The following CCDC180 variants were observed in gnomAD, a reference collection of about 807,000 sequenced individuals.
CCDC180 encodes coiled-coil domain-containing protein 180.
A neutral mutation model predicts 209.2 loss-of-function variants in CCDC180; 154 were observed. That is an observed-to-expected ratio of 0.74 (90% CI 0.65 to 0.84). The LOEUF (loss-of-function observed/expected upper bound fraction) is 0.84. CCDC180 is among the 40% of genes least tolerant of loss of function. The pLI is 0.00. For synonymous variants in CCDC180, 778 were observed against 749.1 expected, an observed-to-expected ratio of 1.04 and a Z score of -0.63; for missense variants, 1,874 against 1,997.3, an observed-to-expected ratio of 0.94 and a Z score of 1.18.
Position 97,358,678 on chromosome 9 carries a change from G to A in CCDC180, c.3363+953G>A, listed in dbSNP as rs76913779. Reference sequence around the variant, plus strand: ...TTCCTGGATCTACGGGTTCAACTCCGGGCAAATGACTTAAACTTGCTCAAC... The same window carrying A: ...TTCCTGGATCTACGGGTTCAACTCCAGGCAAATGACTTAAACTTGCTCAAC... On this transcript the variant is annotated intron_variant, in intron 25 of 36. Transcript: ENST00000529487. Among the ~76,000 whole-genome samples, 92 of 152,146 alleles carry A rather than the reference G, an allele frequency of 6.0e-4. No homozygotes were observed. In the East Asian group the frequency reaches 0.016, roughly 26 times the overall value.
At chr9:97,324,364 G>A (rs1000527760) in intron 13 of CCDC180, among the ~76,000 whole-genome samples, 32 of 152,222 alleles carry the variant, frequency 2.1e-4, no homozygotes, top group Admixed American at 6.5e-4. Context: ...AAATGGCATG[G>A]CTGTGTTCCA....
At chr9:97,359,234 C>T (rs1826680261) in intron 25 of CCDC180, among the ~76,000 whole-genome samples, 1 of 152,202 alleles carries the variant, frequency 6.6e-6, no homozygotes, top group Non-Finnish European at 1.5e-5. Flanking sequence ...TAAGGCAGCT[C>T]TACCTCTCCA....
Position 97,364,087 on chromosome 9 carries a change from AAAGTACCGGGTGCTTG to A in CCDC180, c.3940_3955del (p.Lys1314GlyfsTer16). 6.2e-7 allele frequency: 1 copy of A among 1,614,080 alleles called. No homozygotes were observed. Among genetic ancestry groups the A allele is most frequent in the African/African-American group, 1.3e-5 (1 of 75,016 alleles). On this transcript the variant is annotated frameshift_variant, in exon 29 of 37. Coordinates refer to ENST00000529487, the MANE Select transcript of CCDC180 (RefSeq NM_020893.6). LOFTEE classifies it high-confidence loss of function. ...ACCCCAAGCCCAACAAAATGGAGAG[AAAGTACCGGGTGCTTG>A]GGGACAAGCCTCCCCCTGCTGCCGA...
At position 97,376,923 on chromosome 9, in the gene CCDC180, T is replaced by C. The variant is rs538791210; in HGVS notation, c.*29T>C. ...TCCGCCCCACCATGAATAAACACTT[T>C]CTTATACAGACTCCTTCCCTGTCCA... On this transcript the variant is annotated 3_prime_UTR_variant, in exon 37 of 37. Coordinates refer to ENST00000529487, the MANE Select transcript of CCDC180 (RefSeq NM_020893.6). 14 of 1,598,506 alleles carry C rather than the reference T, an allele frequency of 8.8e-6. No homozygotes were observed. Among genetic ancestry groups the C allele is most frequent in the Non-Finnish European group, 1.0e-5 (12 of 1,174,266 alleles).
intron 34 of CCDC180, chr9:97,374,337 T>A: frequency 1.8e-6 from 1 of 555,458 alleles, no homozygotes; most frequent in South Asian, 2.3e-5. Context: ...CTTAGATTCC[T>A]CCATCCATGA....
At chr9:97,348,125 G>A (rs1004894623) in intron 20 of CCDC180, among the ~76,000 whole-genome samples, 14 of 148,684 alleles carry the variant, frequency 9.4e-5, no homozygotes, top group African/African-American at 3.2e-4. Context: ...GGGGCGGGGG[G>A]GGGGCATGTT....
chr9:97,345,750 C>CA lies in CCDC180; in HGVS notation c.2499-1555dup, dbSNP rs565692127. On this transcript the variant is annotated intron_variant, in intron 19 of 36. Transcript: ENST00000529487. ...TGGGAGACAGAGTGAAACTCCGTCT[C>CA]AAAAAAAAATTAAATTATATATTCT... 1,816 of 222,072 alleles carry CA rather than the reference C, an allele frequency of 8.2e-3. 12 individuals are homozygous for CA. Among genetic ancestry groups the CA allele is most frequent in the Non-Finnish European group, 0.013 (1,395 of 110,036 alleles). The allele number at this position is 222,072 out of a possible 1,614,324, so 13.8% of individuals were successfully genotyped here. A position where few individuals can be genotyped will look rare whatever the true frequency, so the allele number is the denominator to read the frequency against.
intron 7 of CCDC180, 50 bp downstream of exon 7, chr9:97,314,778 A>G (rs942649769): frequency 3.7e-6 from 6 of 1,602,730 alleles, no homozygotes; most frequent in South Asian, 1.1e-5. Context: ...TGCCGGGTTT[A>G]TTAGGCATCC....
chr9:97,327,012 T>A (rs1406368851), intron 15 of CCDC180, among the ~76,000 whole-genome samples: 1 of 152,054 alleles, frequency 6.6e-6, no homozygotes, highest in Non-Finnish European at 1.5e-5. Flanking sequence ...CTACTAAAAA[T>A]ACAAGAATTA....
chr9:97,344,983 T>C (rs1225887478), intron 19 of CCDC180, among the ~76,000 whole-genome samples: 2 of 152,232 alleles, frequency 1.3e-5, no homozygotes, highest in African/African-American at 4.8e-5. Flanking sequence ...CATACAGAAC[T>C]CACTCTTTTA....
Position 97,366,637 on chromosome 9 carries a change from A to G in CCDC180, c.4126A>G (p.Ile1376Val). Residue 1376 changes from isoleucine to valine, a missense_variant, in exon 31 of 37, where the codon ATT (isoleucine) becomes GTT (valine). Physicochemically the swap from Ile to Val is conservative, Grantham distance 29. Transcript: ENST00000529487. The surrounding 1 kb of genome is among the most constrained non-coding windows in gnomAD (Gnocchi z 4.3). Reference protein sequence around the residue: ...CDTFDQCAENISKKILEYQSQ... With the variant: ...CDTFDQCAENVSKKILEYQSQ... Reference sequence around the variant, plus strand: ...CACCTTTGACCAGTGCGCCGAGAACATTAGCAAAAAGATCCTGGAGTATCA... The same window carrying G: ...CACCTTTGACCAGTGCGCCGAGAACGTTAGCAAAAAGATCCTGGAGTATCA... 2 of 1,614,238 alleles carry G rather than the reference A, an allele frequency of 1.2e-6. No individual in the cohort carries two copies. Among genetic ancestry groups the G allele is most frequent in the Non-Finnish European group, 1.7e-6 (2 of 1,180,044 alleles).
At chr9:97,315,626 C>G (rs890686440) in intron 8 of CCDC180, among the ~76,000 whole-genome samples, 2 of 152,210 alleles carry the variant, frequency 1.3e-5, no homozygotes, top group Non-Finnish European at 2.9e-5. Flanking sequence ...CTGTGGGTTT[C>G]CTGGTCTTGT....
chr9:97,354,058 C>T (rs1333263456), intron 22 of CCDC180, among the ~76,000 whole-genome samples: 5 of 147,224 alleles, frequency 3.4e-5, no homozygotes, highest in South Asian at 2.1e-4. Flanking sequence ...AGTGCAGTGG[C>T]GCAATCTCGG....
At chr9:97,333,528 T>TTC (rs1825813125) in intron 18 of CCDC180, among the ~76,000 whole-genome samples, 4 of 149,878 alleles carry the variant, frequency 2.7e-5, no homozygotes, top group Non-Finnish European at 1.5e-5. Flanking sequence ...TTTTTTTTTT[T>TTC]TGGTTTGTAG....
intron 33 of CCDC180, 119 bp from the exon 34 acceptor site, chr9:97,371,476 A>G (rs1353321086): frequency 5.5e-6 from 3 of 548,446 alleles, no homozygotes; most frequent in Non-Finnish European, 1.0e-5. Flanking sequence ...ACTTGGACAC[A>G]GTGGATATAA....
chr9:97,320,104 C>G, intron 10 of CCDC180, 22 bp from the exon 11 acceptor site: 1 of 1,605,800 alleles, frequency 6.2e-7, no homozygotes, highest in Admixed American at 1.7e-5. Context: ...GTGTGGCTTA[C>G]TTGCTGTATC....
At chr9:97,326,745 AGAGCCCAG>A (rs1403425307) in intron 15 of CCDC180, 76 bp downstream of exon 15, 13 of 885,402 alleles carry the variant, frequency 1.5e-5, no homozygotes, top group Non-Finnish European at 2.3e-5. Context: ...AGCCTGCCCA[AGAGCCCAG>A]GAGCCTGCCA....
In CCDC180 at chr9:97,366,552, C is replaced by G. The variant is rs1003401175; in HGVS notation, c.4048-7C>G. 1 of 1,613,592 alleles carries G rather than the reference C, an allele frequency of 6.2e-7. No individual in the cohort carries two copies. The highest frequency in any genetic ancestry group is 8.5e-7 in the Non-Finnish European group (1 of 1,179,810). On this transcript the variant is annotated splice_polypyrimidine_tract_variant and splice_region_variant and intron_variant, in intron 30 of 36. Transcript: ENST00000529487. The surrounding 1 kb of genome is among the most constrained non-coding windows in gnomAD (Gnocchi z 4.3). ...CCTCACCCGCACATGGTCACCCTCT[C>G]TGGCAGGAGTTCTACCGTAAAGAAA...
chr9:97,317,210 C>A lies in CCDC180; in HGVS notation c.941C>A (p.Ala314Asp), dbSNP rs866679421. The A allele has an allele frequency of 6.2e-7, 1 of 1,602,174 alleles. No homozygotes were observed. Among genetic ancestry groups the A allele is most frequent in the Non-Finnish European group, 8.5e-7 (1 of 1,171,276 alleles). Residue 314 changes from alanine (A) to aspartate (D), a missense_variant, in exon 9 of 37, where the codon GCC becomes GAC. Coordinates refer to ENST00000529487, the MANE Select transcript of CCDC180 (RefSeq NM_020893.6). ...ACCTGGAAGGCTCTCAAGAAGGAGG[C>A]CCTGCTGCAGAGTTTCAGGTCAGTG... ...VDTWKALKKE[A>D]LLQSFSEFMA...
Sources: gnomAD v4.1 joint callset for allele counts (sites outside exome capture counted in the v4.1 genomes callset) on GRCh38, gnomAD v4.1.1 for gene constraint, Gnocchi (gnomAD v3.1) non-coding constraint, MANE v1.5 for transcripts, NCBI Gene and HGNC (gene_info 2026-07-23, HGNC 2026-07-21) for gene names.